The following PRKAG2 variants were observed in gnomAD, a reference collection of about 807,000 sequenced individuals.
PRKAG2 encodes protein kinase AMP-activated non-catalytic subunit gamma 2.
Under a neutral mutation model 69.6 loss-of-function variants are expected in PRKAG2, and 26 were observed. The observed-to-expected ratio is 0.37, with a 90% CI of 0.27 to 0.52. The LOEUF is 0.52. Ranked by LOEUF, PRKAG2 falls within the 20% of genes least tolerant of loss-of-function variation. The pLI is 0.90. For missense variants in PRKAG2, 557 were observed against 740.0 expected (o/e 0.75, Z 2.87); for synonymous variants, 293 against 285.0 (o/e 1.03, Z -0.28).
At chr7:151,598,099 C>T (rs1018669874) in intron 5 of PRKAG2, among the ~76,000 whole-genome samples, 6 of 152,070 alleles carry the variant, frequency 3.9e-5, no homozygotes, top group Non-Finnish European at 8.8e-5. Flanking sequence ...AACGTGGTAC[C>T]TATAAACAAT....
At chr7:151,772,222 C>T (rs147132243) in intron 3 of PRKAG2, among the ~76,000 whole-genome samples, 1 of 152,304 alleles carries the variant, frequency 6.6e-6, no homozygotes, top group Non-Finnish European at 1.5e-5. Context: ...TCTGGAGAGG[C>T]TGCCTGGGAG....
chr7:151,623,279 G>C (rs548969106), intron 5 of PRKAG2, among the ~76,000 whole-genome samples: 219 of 148,154 alleles, frequency 1.5e-3, no homozygotes, highest in African/African-American at 5.3e-3. Context: ...CAGGAGAATC[G>C]CTGGAACCTG....
intron 1 of PRKAG2, among the ~76,000 whole-genome samples, chr7:151,830,888 A>G (rs772157457): frequency 3.9e-5 from 6 of 151,960 alleles, no homozygotes; most frequent in Non-Finnish European, 7.4e-5. Flanking sequence ...GAGTCATCCA[A>G]TGTCACTAAA....
At chr7:151,666,523 T>C (rs776873175) in intron 4 of PRKAG2, among the ~76,000 whole-genome samples, 6 of 152,218 alleles carry the variant, frequency 3.9e-5, no homozygotes, top group Non-Finnish European at 5.9e-5. Flanking sequence ...TAATATAGTA[T>C]CTCTTATGGT....
At position 151,646,793 on chromosome 7, in the gene PRKAG2, T is replaced by G. The variant is rs973419191; in HGVS notation, c.685-14655A>C. 6.6e-5 allele frequency among the ~76,000 whole-genome samples: 10 copies of G among 152,232 alleles called. No homozygotes were observed. In the East Asian group the frequency reaches 1.9e-3, roughly 29 times the overall value. ...TATATGTAATATTACAGATTACCTA[T>G]GTCATATTACACATGGATAGATGGA... On this transcript the variant is annotated intron_variant, in intron 4 of 15. Coordinates refer to ENST00000287878, the MANE Select transcript of PRKAG2 (RefSeq NM_016203.4).
At chr7:151,615,444 T>C (rs538636456) in intron 5 of PRKAG2, among the ~76,000 whole-genome samples, 6 of 152,176 alleles carry the variant, frequency 3.9e-5, no homozygotes, top group East Asian at 1.9e-4. Flanking sequence ...AAATGTAAAA[T>C]TGAAAATTAT....
At position 151,699,162 on chromosome 7, in the gene PRKAG2, C is replaced by T. The variant is rs1837238512; in HGVS notation, c.467-23525G>A. Reference sequence around the variant, plus strand: ...TCTGACCTCTGTCCCCATCCCTGCCCCAAGTTGTGTCTCTTTGACACCTGG... The same window carrying T: ...TCTGACCTCTGTCCCCATCCCTGCCTCAAGTTGTGTCTCTTTGACACCTGG... On this transcript the variant is annotated intron_variant, in intron 3 of 15. Transcript: ENST00000287878. This position sits in a 1 kb window ranked among gnomAD's most constrained non-coding sequence, Gnocchi z 4.5. Among the ~76,000 whole-genome samples the T allele has an allele frequency of 6.6e-6, 1 of 152,202 alleles. No individual in the cohort carries two copies. Among genetic ancestry groups the T allele is most frequent in the Non-Finnish European group, 1.5e-5 (1 of 68,034 alleles).
Position 151,870,111 on chromosome 7 carries a change from T to TGATAGATAGATAGATA in PRKAG2, c.114+6380_114+6395dup, listed in dbSNP as rs57003272. ...TCAATGACAGCTGAAAAGGTGCAGA[T>TGATAGATAGATAGATA]GATAGATAGATAGATAGATAGATAG... On this transcript the variant is annotated intron_variant, in intron 1 of 15. Coordinates refer to ENST00000287878, the MANE Select transcript of PRKAG2 (RefSeq NM_016203.4). 7.7e-3 allele frequency among the ~76,000 whole-genome samples: 931 copies of TGATAGATAGATAGATA among 120,318 alleles called. 9 individuals carry two copies. The highest frequency in any genetic ancestry group is 0.013 in the Middle Eastern group (3 of 240). The allele number at this position is 120,318 out of a possible 152,430, so 78.9% of individuals were successfully genotyped here. A position where few individuals can be genotyped will look rare whatever the true frequency, so the allele number is the denominator to read the frequency against.
At chr7:151,822,822 C>T (rs183779758) in intron 1 of PRKAG2, among the ~76,000 whole-genome samples, 4 of 151,440 alleles carry the variant, frequency 2.6e-5, no homozygotes, top group Non-Finnish European at 5.9e-5. Context: ...CACACCTCCA[C>T]GTCACACTCC....
At chr7:151,794,612 G>A (rs376031027) in intron 1 of PRKAG2, among the ~76,000 whole-genome samples, 24 of 152,188 alleles carry the variant, frequency 1.6e-4, no homozygotes, top group African/African-American at 4.8e-4. Context: ...CCCCTCATGC[G>A]GCTCCCGCGG....
chr7:151,597,879 C>T (rs1815025250), intron 5 of PRKAG2, among the ~76,000 whole-genome samples: 2 of 136,778 alleles, frequency 1.5e-5, no homozygotes, highest in South Asian at 2.7e-4. Context: ...ATTAGTAGAG[C>T]CATTATAGAA....
At chr7:151,773,539 G>A (rs147214510) in intron 3 of PRKAG2, among the ~76,000 whole-genome samples, 3 of 152,292 alleles carry the variant, frequency 2.0e-5, no homozygotes, top group African/African-American at 7.2e-5. Context: ...TAGAAGAGTT[G>A]CTATGAAGAT....
chr7:151,746,340 T>C (rs1232222702), intron 3 of PRKAG2, among the ~76,000 whole-genome samples: 1 of 152,234 alleles, frequency 6.6e-6, no homozygotes, highest in Non-Finnish European at 1.5e-5. Flanking sequence ...TTTCTTCTTA[T>C]AGTGAAATAT....
Position 151,632,199 on chromosome 7 carries a change from G to GAGCGGGA in PRKAG2, c.685-62_685-61insTCCCGCT. 8.4e-7 allele frequency: 1 copy of GAGCGGGA among 1,184,016 alleles called. No homozygotes were observed. The highest frequency in any genetic ancestry group is 3.0e-5 in the South Asian group (1 of 32,908). 73.3% of individuals were successfully genotyped at this position (1,184,016 alleles called of 1,614,324 possible). ...CTGCGACGCTCGTCCCCGGCCGGCG[G>GAGCGGGA]GCTCGCGGCCGGCCGAGCGCTGGGG... is the stretch of plus-strand genomic sequence containing the variant. On this transcript the variant is annotated intron_variant, in intron 4 of 15. Coordinates refer to ENST00000287878, the MANE Select transcript of PRKAG2 (RefSeq NM_016203.4). The surrounding 1 kb of genome is among the most constrained non-coding windows in gnomAD (Gnocchi z 4.2).
At chr7:151,752,629 A>C (rs1026179990) in intron 3 of PRKAG2, among the ~76,000 whole-genome samples, 5 of 152,240 alleles carry the variant, frequency 3.3e-5, no homozygotes, top group African/African-American at 4.8e-5. Flanking sequence ...ATACAAATCC[A>C]TGAGTCCATA....
intron 3 of PRKAG2, among the ~76,000 whole-genome samples, chr7:151,726,923 A>C (rs189615111): frequency 6.6e-6 from 1 of 152,310 alleles, no homozygotes; most frequent in African/African-American, 2.4e-5. Flanking sequence ...AAGTATCAAA[A>C]AGGTGATACT....
Position 151,576,415 on chromosome 7 carries a change from A to G in PRKAG2, c.902T>C (p.Val301Ala), listed in dbSNP as rs1234095023. ...KAFFALVANG[V>A]RAAPLWESKK... ...ACTCTCCCACAGTGGCGCTGCTCGG[A>G]CACCGTTGGCTACCAAAGCAAAGAA... The change falls in exon 7 of 16, where the codon GTC becomes GCC. Residue 301 changes from valine (V) to alanine (A), a missense_variant. Around this residue, in one of 2 missense-constraint regions of PRKAG2, gnomAD observed 205 missense variants for 383.4 expected, o/e 0.53. Transcript: ENST00000287878. 1.2e-6 allele frequency: 2 copies of G among 1,611,630 alleles called. No homozygotes were observed. The highest frequency in any genetic ancestry group is 3.3e-5 in the Admixed American group (2 of 60,016).
At position 151,776,141 on chromosome 7, in the gene PRKAG2, C is replaced by T. The variant is rs7804832; in HGVS notation, c.466+5011G>A. ...CTTTCAGGGAAAGCCAAGGAGCTGG[C>T]CTCACTGATTCTCAAGGGCACCAAC... On this transcript the variant is annotated intron_variant, in intron 3 of 15. Coordinates refer to ENST00000287878, the MANE Select transcript of PRKAG2 (RefSeq NM_016203.4). Among the ~76,000 whole-genome samples, 602 of 152,262 alleles carry T rather than the reference C, an allele frequency of 4.0e-3. 4 individuals are homozygous for T. Among genetic ancestry groups the T allele is most frequent in the African/African-American group, 0.013 (560 of 41,558 alleles).
chr7:151,802,467 C>T (rs1489249628), intron 1 of PRKAG2, among the ~76,000 whole-genome samples: 1 of 152,096 alleles, frequency 6.6e-6, no homozygotes. Flanking sequence ...TGGAGAGGTC[C>T]GTGAAGAAGA....
Sources: gnomAD v4.1 joint callset for allele counts (sites outside exome capture counted in the v4.1 genomes callset) on GRCh38, gnomAD v4.1.1 for gene constraint, gnomAD v4.1.1 regional missense constraint, Gnocchi (gnomAD v3.1) non-coding constraint, MANE v1.5 for transcripts, NCBI Gene and HGNC (gene_info 2026-07-23, HGNC 2026-07-21) for gene names.